The following PHLDA3 variants were observed in gnomAD, a reference collection of about 807,000 sequenced individuals.
PHLDA3 encodes the protein pleckstrin homology-like domain family A member 3.
PHLDA3 carries 12 observed loss-of-function variants against 7.6 expected under a neutral mutation model. The ratio of observed to expected loss-of-function variants is 1.58; its 90% CI spans 1.01 to 2.55. The LOEUF (loss-of-function observed/expected upper bound fraction) is 2.55, where lower values mean the gene tolerates loss of function less well. Ranked by LOEUF, PHLDA3 falls within the 30% of genes most tolerant of loss-of-function variation. The probability of loss-of-function intolerance (pLI) is 0.00; values close to 1 mark genes in which losing one functional copy is unlikely to be tolerated. For synonymous variants in PHLDA3, 104 were observed against 85.1 expected (o/e 1.22, Z -1.23); for missense variants, 177 against 175.6 (o/e 1.01, Z -0.05).
rs899655841 is a variant in PHLDA3 at position 201,464,383 on chromosome 1, T to C, written c.*1858A>G. The C allele has an allele frequency of 6.7e-6, 1 of 149,772 alleles. No individual in the cohort carries two copies. The highest frequency in any genetic ancestry group is 2.5e-5 in the African/African-American group (1 of 39,700). 9.3% of individuals were successfully genotyped at this position (149,772 alleles called of 1,614,324 possible). On this transcript the variant is annotated 3_prime_UTR_variant, in exon 2 of 2. Coordinates refer to ENST00000367311, the MANE Select transcript of PHLDA3 (RefSeq NM_012396.5). ...ACCCATGGACAATTGTACAATTGGA[T>C]ACAGTAAGTGACATATTTATAAAAG...
At position 201,468,441 on chromosome 1, in the gene PHLDA3, C is replaced by T. The variant is rs779812055; in HGVS notation, c.346G>A (p.Ala116Thr). 1.2e-6 allele frequency: 2 copies of T among 1,614,124 alleles called. No homozygotes were observed. The highest frequency in any genetic ancestry group is 1.7e-6 in the Non-Finnish European group (2 of 1,180,000). ...GTCCCGGTCCCGAGGCTCTGCCGGG[C>T]CCGCACTGTCTGGATGGCCTGCTGG... ...KNQQAIQTVR[A>T]RQSLGTGTLV... The change falls in exon 1 of 2, where the codon GCC (alanine) becomes ACC (threonine). Residue 116 changes from alanine (A) to threonine (T), a missense_variant. Transcript: ENST00000367311.
chr1:201,465,031 C>CA lies in PHLDA3; in HGVS notation c.*1209dup, dbSNP rs1026552301. On this transcript the variant is annotated 3_prime_UTR_variant, in exon 2 of 2. Transcript: ENST00000367311. ...TTCACCAAGTTGGCCAGGCTGGTCT[C>CA]AAATTCCTGACCTCAGGTGATCCAC... 7.2e-5 allele frequency: 11 copies of CA among 152,232 alleles called. No individual in the cohort carries two copies. The highest frequency in any genetic ancestry group is 2.7e-4 in the African/African-American group (11 of 41,424). The allele number at this position is 152,232 out of a possible 1,614,324, so 9.4% of individuals were successfully genotyped here.
rs1226111188 is a variant in PHLDA3, at chr1:201,469,040, G to A, written c.-254C>T. The stretch of plus-strand genomic sequence containing the variant: ...CCGCTCCTCCGCTCTACCCCAGCTG[G>A]CCCAGCCCGACCCGCCTCTGCCAGA... On this transcript the variant is annotated 5_prime_UTR_variant, in exon 1 of 2. Transcript: ENST00000367311. The A allele has an allele frequency of 1.5e-5, 6 of 394,900 alleles. No homozygotes were observed. Among genetic ancestry groups the A allele is most frequent in the Non-Finnish European group, 2.2e-5 (5 of 228,742 alleles). 24.5% of individuals were successfully genotyped at this position (394,900 alleles called of 1,614,324 possible).
chr1:201,467,938 C>T (rs1034782290), intron 1 of PHLDA3, among the ~76,000 whole-genome samples: 1 of 152,138 alleles, frequency 6.6e-6, no homozygotes, highest in South Asian at 2.1e-4. Context: ...TTGTCCTCAG[C>T]TGCCAGAAAG....
In PHLDA3 at chr1:201,468,834, G is replaced by GCCCCTCTCGGCC; in HGVS notation, c.-60_-49dup. ...AGCTCCAGGCTGCGGCGGGCGCGGC[G>GCCCCTCTCGGCC]CCCCTCTCGGCCCCGCAGCGCAGGA... On this transcript the variant is annotated 5_prime_UTR_variant, in exon 1 of 2. Coordinates refer to ENST00000367311, the MANE Select transcript of PHLDA3 (RefSeq NM_012396.5). 6.9e-7 allele frequency: 1 copy of GCCCCTCTCGGCC among 1,458,026 alleles called. No homozygotes were observed. Among genetic ancestry groups the GCCCCTCTCGGCC allele is most frequent in the Non-Finnish European group, 8.9e-7 (1 of 1,118,296 alleles). The allele number at this position is 1,458,026 out of a possible 1,614,324, so 90.3% of individuals were successfully genotyped here. A position where few individuals can be genotyped will look rare whatever the true frequency, so the allele number is the denominator to read the frequency against.
rs945173353 is a variant in PHLDA3, at chr1:201,468,326, C to T, written c.*62+15G>A. On this transcript the variant is annotated intron_variant, in intron 1 of 1. Transcript: ENST00000367311. Reference sequence around the variant, plus strand: ...AGGGAAGGAGAGAAGAGGGCCCAGTCCCCCGGGGGCTTACCTGCCTTGACC... The same window carrying T: ...AGGGAAGGAGAGAAGAGGGCCCAGTTCCCCGGGGGCTTACCTGCCTTGACC... The T allele has an allele frequency of 2.0e-5, 31 of 1,512,334 alleles. No homozygotes were observed. The highest frequency in any genetic ancestry group is 2.7e-5 in the Non-Finnish European group (30 of 1,103,982). 93.7% of individuals were successfully genotyped at this position (1,512,334 alleles called of 1,614,324 possible). A position where few individuals can be genotyped will look rare whatever the true frequency, so the allele number is the denominator to read the frequency against.
chr1:201,465,017 G>A lies in PHLDA3; in HGVS notation c.*1224C>T, dbSNP rs1013772405. On this transcript the variant is annotated 3_prime_UTR_variant, in exon 2 of 2. Coordinates refer to ENST00000367311, the MANE Select transcript of PHLDA3 (RefSeq NM_012396.5). Reference sequence around the variant, plus strand: ...AGTAGAGACAGGGTTTCACCAAGTTGGCCAGGCTGGTCTCAAATTCCTGAC... The same window carrying A: ...AGTAGAGACAGGGTTTCACCAAGTTAGCCAGGCTGGTCTCAAATTCCTGAC... The A allele has an allele frequency of 2.0e-5, 3 of 152,138 alleles. No homozygotes were observed. The highest frequency in any genetic ancestry group is 4.8e-5 in the African/African-American group (2 of 41,406). 9.4% of individuals were successfully genotyped at this position (152,138 alleles called of 1,614,324 possible). A position where few individuals can be genotyped will look rare whatever the true frequency, so the allele number is the denominator to read the frequency against.
chr1:201,468,038 C>A (rs965835276), intron 1 of PHLDA3, among the ~76,000 whole-genome samples: 1 of 152,238 alleles, frequency 6.6e-6, no homozygotes, highest in African/African-American at 2.4e-5. Flanking sequence ...TTCCTTCCAC[C>A]TGAGTCAGGG....
In PHLDA3 at chr1:201,468,753, C is replaced by A; in HGVS notation, c.34G>T (p.Glu12Ter). The change falls in exon 1 of 2, where the codon GAG becomes TAG. Residue 12 changes from glutamate to a stop codon, truncating the protein, a stop_gained. Transcript: ENST00000367311. LOFTEE classifies it high-confidence loss of function. ...TAAATATVLK[E>*]GVLEKRSGGL... is the part of the protein sequence containing the mutation. ...CCGCTGCGCTTCTCCAGCACGCCCT[C>A]CTTGAGCACGGTAGCCGTCGCCGCC... The A allele has an allele frequency of 6.3e-7, 1 of 1,587,252 alleles. No homozygotes were observed. The highest frequency in any genetic ancestry group is 1.7e-5 in the Admixed American group (1 of 57,692).
At position 201,468,974 on chromosome 1, in the gene PHLDA3, C is replaced by T. The variant is rs868801978; in HGVS notation, c.-188G>A. The T allele has an allele frequency of 5.6e-6, 3 of 538,008 alleles. No homozygotes were observed. Among genetic ancestry groups the T allele is most frequent in the Non-Finnish European group, 8.6e-6 (3 of 347,288 alleles). The allele number at this position is 538,008 out of a possible 1,614,324, so 33.3% of individuals were successfully genotyped here. ...CTGCCGGTGAGGTGGTGTCGGTGCC[C>T]CCAGCGCGCTCCGCGCCCACCGCCC... On this transcript the variant is annotated 5_prime_UTR_variant, in exon 1 of 2. Transcript: ENST00000367311.
In PHLDA3 at chr1:201,468,406, GGACAC is replaced by G; in HGVS notation, c.376_380del (p.Val126LeufsTer99). The G allele has an allele frequency of 6.2e-7, 1 of 1,613,870 alleles. No homozygotes were observed. The highest frequency in any genetic ancestry group is 8.5e-7 in the Non-Finnish European group (1 of 1,179,934). On this transcript the variant is annotated frameshift_variant, in exon 1 of 2. Coordinates refer to ENST00000367311, the MANE Select transcript of PHLDA3 (RefSeq NM_012396.5). LOFTEE classifies it high-confidence loss of function. The stretch of plus-strand genomic sequence containing the variant: ...GAAAGATGGTGCGCCCGGTGGTTTA[GGACAC>G]GAGGGTCCCGGTCCCGAGGCTCTGC...
In PHLDA3 at chr1:201,468,980, G is replaced by T; in HGVS notation, c.-194C>A. The T allele has an allele frequency of 1.9e-6, 1 of 517,374 alleles. No homozygotes were observed. Among genetic ancestry groups the T allele is most frequent in the East Asian group, 3.9e-5 (1 of 25,528 alleles). 32.0% of individuals were successfully genotyped at this position (517,374 alleles called of 1,614,324 possible). A position where few individuals can be genotyped will look rare whatever the true frequency, so the allele number is the denominator to read the frequency against. ...GTGAGGTGGTGTCGGTGCCCCCAGC[G>T]CGCTCCGCGCCCACCGCCCCGCTTC... On this transcript the variant is annotated 5_prime_UTR_variant, in exon 1 of 2. Coordinates refer to ENST00000367311, the MANE Select transcript of PHLDA3 (RefSeq NM_012396.5).
At chr1:201,467,681 C>G (rs887016565) in intron 1 of PHLDA3, 6 of 139,688 alleles carry the variant, frequency 4.3e-5, no homozygotes, top group African/African-American at 1.6e-4. Flanking sequence ...CACACACACA[C>G]ATATGTAGAG....
rs780299942 is a variant in PHLDA3, at chr1:201,468,743, A to C, written c.44T>G (p.Leu15Arg). The part of the protein sequence containing the change: ...ATATVLKEGV[L>R]EKRSGGLLQL... The stretch of plus-strand genomic sequence containing the variant: ...CAGCAGCCCGCCGCTGCGCTTCTCC[A>C]GCACGCCCTCCTTGAGCACGGTAGC... The change falls in exon 1 of 2, where the codon CTG becomes CGG. Residue 15 changes from leucine (L) to arginine (R), a missense_variant. Transcript: ENST00000367311. 28 of 1,595,292 alleles carry C rather than the reference A, an allele frequency of 1.8e-5. No individual in the cohort carries two copies. The East Asian group carries it at 6.3e-4, about 36-fold the overall frequency.
rs973217882 is a variant in PHLDA3, at chr1:201,468,511, G to T, written c.276C>A (p.Pro92=). 1.9e-6 allele frequency: 3 copies of T among 1,614,030 alleles called. No individual in the cohort carries two copies. The African/African-American group carries it at 4.0e-5, about 22-fold the overall frequency. Residue 92 remains proline, a synonymous_variant, in exon 1 of 2, where the codon CCC becomes CCA. Coordinates refer to ENST00000367311, the MANE Select transcript of PHLDA3 (RefSeq NM_012396.5). Reference sequence around the variant, plus strand: ...CTAGGGTGATCTGGGCGTTCCAGCCGGGATCTTCCAGGGGGCAGCGGAAGT... The same window carrying T: ...CTAGGGTGATCTGGGCGTTCCAGCCTGGATCTTCCAGGGGGCAGCGGAAGT... ...EIDFRCPLED[P]GWNAQITLGL...
At position 201,469,008 on chromosome 1, in the gene PHLDA3, C is replaced by A. The variant is rs6699530; in HGVS notation, c.-222G>T. 1,031 of 439,042 alleles carry A rather than the reference C, an allele frequency of 2.3e-3. 10 individuals carry two copies. The highest frequency in any genetic ancestry group is 0.019 in the African/African-American group (928 of 48,008). The allele number at this position is 439,042 out of a possible 1,614,324, so 27.2% of individuals were successfully genotyped here. ...CTCCGCGCCCACCGCCCCGCTTCAG[C>A]CGGCACCCGCTCCTCCGCTCTACCC... is the stretch of plus-strand genomic sequence containing the variant. On this transcript the variant is annotated 5_prime_UTR_variant, in exon 1 of 2. Transcript: ENST00000367311.
Position 201,468,421 on chromosome 1 carries a change from G to C in PHLDA3, c.366C>G (p.Thr122=), listed in dbSNP as rs1284464181. The C allele has an allele frequency of 2.5e-6, 4 of 1,613,816 alleles. No individual in the cohort carries two copies. The highest frequency in any genetic ancestry group is 3.4e-6 in the Non-Finnish European group (4 of 1,179,928). ...QTVRARQSLG[T]GTLVS ...CGGTGGTTTAGGACACGAGGGTCCCGGTCCCGAGGCTCTGCCGGGCCCGCA... is the reference window on the plus strand; with the variant it reads ...CGGTGGTTTAGGACACGAGGGTCCCCGTCCCGAGGCTCTGCCGGGCCCGCA... The change falls in exon 1 of 2, where the codon ACC becomes ACG. Residue 122 remains threonine (T), a synonymous_variant. Coordinates refer to ENST00000367311, the MANE Select transcript of PHLDA3 (RefSeq NM_012396.5).
intron 1 of PHLDA3, among the ~76,000 whole-genome samples, chr1:201,467,037 G>A (rs1663680246): frequency 6.6e-6 from 1 of 152,198 alleles, no homozygotes; most frequent in Non-Finnish European, 1.5e-5. Flanking sequence ...GGGACCAGGT[G>A]TGGTGGCTTA....
Position 201,468,602 on chromosome 1 carries a change from T to C in PHLDA3, c.185A>G (p.Glu62Gly), listed in dbSNP as rs192314256. Residue 62 changes from glutamate to glycine, a missense_variant, in exon 1 of 2, where the codon GAG becomes GGG. Coordinates refer to ENST00000367311, the MANE Select transcript of PHLDA3 (RefSeq NM_012396.5). ...ELSFARIKAV[E>G]CVESTGRHIY... ...GTGGCGCCCGGTGCTCTCCACGCAC[T>C]CCACGGCCTTGATGCGGGCGAAGCT... 4.1e-4 allele frequency: 662 copies of C among 1,613,812 alleles called. 4 individuals carry two copies. The East Asian group carries it at 0.013, about 32-fold the overall frequency.
Sources: gnomAD v4.1 joint callset for allele counts (sites outside exome capture counted in the v4.1 genomes callset) on GRCh38, gnomAD v4.1.1 for gene constraint, MANE v1.5 for transcripts, NCBI Gene and HGNC (gene_info 2026-07-23, HGNC 2026-07-21) for gene names.